The following YAF2 variants were observed in gnomAD, a reference collection of about 807,000 sequenced individuals.
YAF2 encodes the protein YY1-associated factor 2.
A neutral mutation model predicts 20.1 loss-of-function variants in YAF2; 7 were observed. The observed-to-expected ratio is 0.35, with a 90% CI of 0.20 to 0.65. The LOEUF is 0.65. Ranked by LOEUF, YAF2 falls within the 30% of genes least tolerant of loss-of-function variation. YAF2 has a pLI of 0.69. For missense variants in YAF2, 151 were observed against 219.2 expected, an observed-to-expected ratio of 0.69 and a Z score of 1.96; for synonymous variants, 74 against 76.0, an observed-to-expected ratio of 0.97 and a Z score of 0.14.
chr12:42,174,747 C>T (rs538669380), intron 2 of YAF2, among the ~76,000 whole-genome samples: 2 of 152,240 alleles, frequency 1.3e-5, no homozygotes, highest in South Asian at 4.1e-4. Flanking sequence ...ACCCTGGCTC[C>T]ACATTGGATT....
chr12:42,237,138 T>C (rs2068189568), intron 2 of YAF2, among the ~76,000 whole-genome samples: 2 of 152,332 alleles, frequency 1.3e-5, no homozygotes, highest in South Asian at 2.1e-4. Flanking sequence ...CAGAAGTACA[T>C]GTAGAAAAAT....
Position 42,160,310 on chromosome 12 carries a change from A to C in YAF2, c.*279T>G, listed in dbSNP as rs1483405446. The C allele has an allele frequency of 3.1e-6, 1 of 327,840 alleles. No homozygotes were observed. Among genetic ancestry groups the C allele is most frequent in the Non-Finnish European group, 5.6e-6 (1 of 178,706 alleles). The allele number at this position is 327,840 out of a possible 1,614,324, so 20.3% of individuals were successfully genotyped here. On this transcript the variant is annotated 3_prime_UTR_variant, in exon 4 of 4. Coordinates refer to ENST00000534854, the MANE Select transcript of YAF2 (RefSeq NM_005748.6). ...ATTATGTGTTAGAATTCACTAAACT[A>C]AAAGTGAAAATACACTTACCAATAA...
chr12:42,162,381 AC>A (rs1017981719), intron 2 of YAF2, among the ~76,000 whole-genome samples: 2 of 152,168 alleles, frequency 1.3e-5, no homozygotes, highest in Non-Finnish European at 2.9e-5. Context: ...TTTATTGAGG[AC>A]CTACTGTAAG....
At chr12:42,184,781 G>T (rs1375884494) in intron 2 of YAF2, among the ~76,000 whole-genome samples, 1 of 152,210 alleles carries the variant, frequency 6.6e-6, no homozygotes, top group African/African-American at 2.4e-5. Context: ...ATATCAACAT[G>T]AACAGGAGTT....
chr12:42,183,013 G>A (rs934314624), intron 2 of YAF2, among the ~76,000 whole-genome samples: 8 of 152,008 alleles, frequency 5.3e-5, no homozygotes, highest in East Asian at 1.9e-4. Flanking sequence ...TCTCTGTGTC[G>A]CATTTTGGTA....
chr12:42,227,253 G>T (rs1266610269), intron 2 of YAF2, among the ~76,000 whole-genome samples: 4 of 125,272 alleles, frequency 3.2e-5, no homozygotes, highest in Non-Finnish European at 6.5e-5. Flanking sequence ...CCTCTGCCCG[G>T]CCGCCACCCC....
At position 42,158,787 on chromosome 12, in the gene YAF2, G is replaced by C. The variant is rs77883571; in HGVS notation, c.*1802C>G. The C allele has an allele frequency of 3.4e-3, 523 of 152,158 alleles. 4 individuals carry two copies. The highest frequency in any genetic ancestry group is 0.012 in the African/African-American group (491 of 41,532). 9.4% of individuals were successfully genotyped at this position (152,158 alleles called of 1,614,324 possible). On this transcript the variant is annotated 3_prime_UTR_variant, in exon 4 of 4. Transcript: ENST00000534854. Reference sequence around the variant, plus strand: ...AGCTCATTTAAAATACATCCTGAAAGTTATTTGATCATAAGATGTAATTCC... The same window carrying C: ...AGCTCATTTAAAATACATCCTGAAACTTATTTGATCATAAGATGTAATTCC...
At chr12:42,171,988 AG>A (rs1273008525) in intron 2 of YAF2, among the ~76,000 whole-genome samples, 1 of 152,142 alleles carries the variant, frequency 6.6e-6, no homozygotes, top group African/African-American at 2.4e-5. Context: ...TTTAAAAACA[AG>A]TATTTAGGCT....
At chr12:42,225,933 T>C (rs1014597039) in intron 2 of YAF2, among the ~76,000 whole-genome samples, 1 of 152,222 alleles carries the variant, frequency 6.6e-6, no homozygotes, top group African/African-American at 2.4e-5. Context: ...GGTAGCTTGA[T>C]GGGGACAGCA....
chr12:42,197,704 C>T (rs1385581098), intron 2 of YAF2, among the ~76,000 whole-genome samples: 1 of 151,998 alleles, frequency 6.6e-6, no homozygotes, highest in Admixed American at 6.6e-5. Flanking sequence ...ACATGTAACC[C>T]GAAAAACCTC....
intron 2 of YAF2, among the ~76,000 whole-genome samples, chr12:42,224,626 T>C (rs555094212): frequency 8.8e-4 from 133 of 151,428 alleles, no homozygotes; most frequent in African/African-American, 2.8e-3. Flanking sequence ...GAATACGTGG[T>C]GTTTGGTTTT....
chr12:42,233,583 C>G (rs765377380), intron 2 of YAF2: 1 of 746,850 alleles, frequency 1.3e-6, no homozygotes, highest in African/African-American at 1.9e-5. Context: ...ATGATCACAG[C>G]TCACTGCAAC....
intron 2 of YAF2, chr12:42,234,279 T>C (rs2068075659): frequency 2.0e-6 from 2 of 985,320 alleles, no homozygotes; most frequent in Non-Finnish European, 2.4e-6. Context: ...TTGAAAATAA[T>C]GTGTCACCGT....
chr12:42,168,175 ATTTTTTTTTTT>A (rs972399859), intron 2 of YAF2, among the ~76,000 whole-genome samples: 1 of 125,970 alleles, frequency 7.9e-6, no homozygotes, highest in African/African-American at 3.0e-5. Context: ...GAAAGACAGC[ATTTTTTTTTTT>A]TTTTTTTTTG....
chr12:42,171,918 C>T (rs763000900), intron 2 of YAF2, among the ~76,000 whole-genome samples: 6 of 152,228 alleles, frequency 3.9e-5, no homozygotes, highest in African/African-American at 1.4e-4. Context: ...AAGCCATGAC[C>T]GTTCCACTGC....
chr12:42,230,673 AAGG>A (rs1254109804), intron 2 of YAF2, among the ~76,000 whole-genome samples: 3 of 152,238 alleles, frequency 2.0e-5, no homozygotes, highest in African/African-American at 7.2e-5. Flanking sequence ...AAAGGACATG[AAGG>A]AGGACTACAA....
chr12:42,215,055 G>A lies in YAF2; in HGVS notation c.152+22544C>T, dbSNP rs145899459. On this transcript the variant is annotated intron_variant, in intron 2 of 3. Transcript: ENST00000534854. Reference sequence around the variant, plus strand: ...ATGAATTCCATGAGAGTAAAAATGTGTCTTGTTCTCCTCTGTAACTCCATT... The same window carrying A: ...ATGAATTCCATGAGAGTAAAAATGTATCTTGTTCTCCTCTGTAACTCCATT... Among the ~76,000 whole-genome samples, 530 of 152,130 alleles carry A rather than the reference G, an allele frequency of 3.5e-3. 1 individual carries two copies. The highest frequency in any genetic ancestry group is 0.012 in the African/African-American group (500 of 41,504).
chr12:42,167,815 G>A (rs1171622772), intron 2 of YAF2, among the ~76,000 whole-genome samples: 1 of 152,066 alleles, frequency 6.6e-6, no homozygotes, highest in African/African-American at 2.4e-5. Flanking sequence ...AGACCAGCCT[G>A]GGCAACATGG....
At chr12:42,217,134 C>T (rs1592026485) in intron 2 of YAF2, among the ~76,000 whole-genome samples, 1 of 152,132 alleles carries the variant, frequency 6.6e-6, no homozygotes, top group African/African-American at 2.4e-5. Flanking sequence ...TAAAATCTGT[C>T]GGCTGTGGTT....
Sources: gnomAD v4.1 joint callset for allele counts (sites outside exome capture counted in the v4.1 genomes callset) on GRCh38, gnomAD v4.1.1 for gene constraint, MANE v1.5 for transcripts, NCBI Gene and HGNC (gene_info 2026-07-23, HGNC 2026-07-21) for gene names.